Variants in LAMA3 observed in about 807,000 individuals in gnomAD.
LAMA3 encodes the protein laminin subunit alpha-3.
Under a neutral mutation model 402.0 loss-of-function variants are expected in LAMA3, and 281 were observed. The ratio of observed to expected loss-of-function variants is 0.70; its 90% CI spans 0.63 to 0.77. LAMA3 has a LOEUF of 0.77. LAMA3 is among the 30% of genes least tolerant of loss of function. LAMA3 has a pLI of 0.00. For missense variants in LAMA3, 3,840 were observed against 4,215.5 expected (o/e 0.91, Z 2.47); for synonymous variants, 1,431 against 1,558.4 (o/e 0.92, Z 1.93).
intron 23 of LAMA3, among the ~76,000 whole-genome samples, chr18:23,828,840 G>A (rs1252431851): frequency 6.6e-6 from 1 of 152,048 alleles, no homozygotes; most frequent in Non-Finnish European, 1.5e-5. Context: ...CTTTTCAATT[G>A]GCTCTTTATC....
intron 12 of LAMA3, among the ~76,000 whole-genome samples, chr18:23,796,520 T>G (rs2062766656): frequency 6.6e-6 from 1 of 152,174 alleles, no homozygotes; most frequent in Admixed American, 6.5e-5. Flanking sequence ...TGACCAATCC[T>G]AAGAAAGATT....
intron 11 of LAMA3, among the ~76,000 whole-genome samples, chr18:23,779,512 G>T (rs1019145064): frequency 6.6e-6 from 1 of 152,112 alleles, no homozygotes; most frequent in Non-Finnish European, 1.5e-5. Context: ...AAGGCTTTTC[G>T]GCTGAGCAGT....
chr18:23,781,857 C>G (rs2062444573), intron 11 of LAMA3, among the ~76,000 whole-genome samples: 1 of 152,220 alleles, frequency 6.6e-6, no homozygotes, highest in Admixed American at 6.5e-5. Context: ...TTGCTGGAAA[C>G]AGTCAGTATG....
chr18:23,724,897 C>T (rs898072391), intron 2 of LAMA3, among the ~76,000 whole-genome samples: 1 of 152,174 alleles, frequency 6.6e-6, no homozygotes, highest in Non-Finnish European at 1.5e-5. Flanking sequence ...AGAGCCCTTG[C>T]TCCTTCTCAT....
At chr18:23,938,759 C>T (rs939466304) in intron 67 of LAMA3, among the ~76,000 whole-genome samples, 3 of 151,804 alleles carry the variant, frequency 2.0e-5, no homozygotes, top group African/African-American at 7.3e-5. Flanking sequence ...GTCCCAGGTG[C>T]GGCAGCTTTC....
At chr18:23,821,321 G>A (rs150327648) in intron 19 of LAMA3, among the ~76,000 whole-genome samples, 1 of 152,308 alleles carries the variant, frequency 6.6e-6, no homozygotes, top group Non-Finnish European at 1.5e-5. Context: ...GAATTGTGAG[G>A]ATCAGCAGGA....
rs530848225 is a variant in LAMA3 at position 23,701,997 on chromosome 18, T to G, written c.295-11923T>G. Among the ~76,000 whole-genome samples, 9 of 151,784 alleles carry G rather than the reference T, an allele frequency of 5.9e-5. No individual in the cohort carries two copies. In the East Asian group the frequency reaches 1.5e-3, roughly 26 times the overall value. On this transcript the variant is annotated intron_variant, in intron 1 of 74. Coordinates refer to ENST00000313654, the MANE Select transcript of LAMA3 (RefSeq NM_198129.4). Reference sequence around the variant, plus strand: ...CCTGATCGGAATGATCTAGAAGAAATGAGATGCAGTGGGGAGAGAGAGAGG... The same window carrying G: ...CCTGATCGGAATGATCTAGAAGAAAGGAGATGCAGTGGGGAGAGAGAGAGG...
chr18:23,734,598 C>G (rs1461259568), intron 2 of LAMA3, among the ~76,000 whole-genome samples: 1 of 152,168 alleles, frequency 6.6e-6, no homozygotes, highest in Non-Finnish European at 1.5e-5. Context: ...ACAGAACTTT[C>G]CAAATAGATT....
chr18:23,871,051 G>A (rs879458621), intron 37 of LAMA3, among the ~76,000 whole-genome samples: 8 of 152,184 alleles, frequency 5.3e-5, no homozygotes, highest in Non-Finnish European at 8.8e-5. Flanking sequence ...TTCTGTCACC[G>A]ATGTGTACGT....
At chr18:23,849,179 ACT>A (rs1196432182) in intron 32 of LAMA3, among the ~76,000 whole-genome samples, 38 of 152,288 alleles carry the variant, frequency 2.5e-4, no homozygotes, top group African/African-American at 8.4e-4. Context: ...ATACAATTCA[ACT>A]CTCTATAGCA....
At chr18:23,928,087 G>A in intron 62 of LAMA3, 36 bp from the exon 63 acceptor site, 1 of 1,413,822 alleles carries the variant, frequency 7.1e-7, no homozygotes, top group Non-Finnish European at 1.0e-6. Flanking sequence ...AGCCTGACAT[G>A]ATCCATCTCT....
intron 8 of LAMA3, among the ~76,000 whole-genome samples, chr18:23,771,709 A>G (rs1383173026): frequency 1.3e-5 from 2 of 152,232 alleles, no homozygotes; most frequent in Admixed American, 1.3e-4. Context: ...GTGGATGGAT[A>G]GAGGAATGGA....
At chr18:23,805,707 G>A (rs556050912) in intron 12 of LAMA3, among the ~76,000 whole-genome samples, 27 of 152,194 alleles carry the variant, frequency 1.8e-4, no homozygotes, top group African/African-American at 6.5e-4. Context: ...TTCTAGAATT[G>A]GTGTCAATTT....
intron 64 of LAMA3, among the ~76,000 whole-genome samples, chr18:23,930,707 C>G (rs1154231): frequency 0.96 from 146,643 of 152,238 alleles, 70,739 homozygotes; most frequent in East Asian, 1. Context: ...CTATGCAAGA[C>G]AGCAAGACTC....
intron 62 of LAMA3, among the ~76,000 whole-genome samples, chr18:23,923,186 A>G (rs1338712548): frequency 6.6e-6 from 1 of 152,246 alleles, no homozygotes; most frequent in Non-Finnish European, 1.5e-5. Flanking sequence ...GGGCCTGACC[A>G]CAGAGTACCT....
At chr18:23,752,810 T>TCAA (rs762116077) in intron 5 of LAMA3, among the ~76,000 whole-genome samples, 12 of 152,100 alleles carry the variant, frequency 7.9e-5, no homozygotes, top group Non-Finnish European at 1.2e-4. Context: ...GCAGCCACAC[T>TCAA]CAACAACAAC....
chr18:23,786,886 G>GTT (rs1206749635), intron 12 of LAMA3, among the ~76,000 whole-genome samples: 2 of 152,194 alleles, frequency 1.3e-5, no homozygotes, highest in Admixed American at 6.5e-5. Context: ...TCACTAAAGT[G>GTT]GCTCAACAGT....
At position 23,730,101 on chromosome 18, in the gene LAMA3, C is replaced by T. The variant is rs1443591708; in HGVS notation, c.447+16029C>T. Among the ~76,000 whole-genome samples, 5 of 152,236 alleles carry T rather than the reference C, an allele frequency of 3.3e-5. 1 individual carries two copies. Among genetic ancestry groups the T allele is most frequent in the Non-Finnish European group, 7.4e-5 (5 of 68,010 alleles). On this transcript the variant is annotated intron_variant, in intron 2 of 74. Coordinates refer to ENST00000313654, the MANE Select transcript of LAMA3 (RefSeq NM_198129.4). ...ACGAAATAAAACAAAAATGTATGGA[C>T]CCTGGGATTAAGTTTCCCTCTTTTT... is the stretch of plus-strand genomic sequence containing the variant.
At chr18:23,773,608 G>T (rs753400355) in intron 9 of LAMA3, 21 bp downstream of exon 9, 6 of 1,501,716 alleles carry the variant, frequency 4.0e-6, no homozygotes, top group Non-Finnish European at 5.5e-6. Context: ...TTTCAAGTTG[G>T]TGTATCTTAG....
Sources: allele counts gnomAD v4.1 joint callset (sites outside exome capture counted in the v4.1 genomes callset), GRCh38; gene constraint gnomAD v4.1.1; transcripts MANE v1.5; gene names NCBI Gene and HGNC (gene_info 2026-07-23, HGNC 2026-07-21).